UBL3: variants seen among roughly 807,000 people sequenced by gnomAD.
UBL3 encodes the protein ubiquitin-like protein 3.
A neutral mutation model predicts 18.4 loss-of-function variants in UBL3; 6 were observed. That is an observed-to-expected ratio of 0.33 (90% confidence interval 0.18 to 0.64). The LOEUF (loss-of-function observed/expected upper bound fraction) is 0.64. Ranked by LOEUF, UBL3 falls within the 30% of genes least tolerant of loss-of-function variation. The pLI is 0.76. For missense variants in UBL3, 109 were observed against 142.9 expected, an observed-to-expected ratio of 0.76 and a Z score of 1.21; for synonymous variants, 49 against 46.6, an observed-to-expected ratio of 1.05 and a Z score of -0.21.
chr13:29,833,314 G>A (rs1196402468), intron 1 of UBL3, among the ~76,000 whole-genome samples: 1 of 152,162 alleles, frequency 6.6e-6, no homozygotes, highest in African/African-American at 2.4e-5. Context: ...GATAAAAGAG[G>A]AAATTGATTT....
rs985779981 is a variant in UBL3 at position 29,766,977 on chromosome 13, T to C, written c.*278A>G. 5.6e-5 allele frequency: 16 copies of C among 283,654 alleles called. No individual in the cohort carries two copies. Among genetic ancestry groups the C allele is most frequent in the Non-Finnish European group, 9.1e-5 (14 of 153,886 alleles). The allele number at this position is 283,654 out of a possible 1,614,324, so 17.6% of individuals were successfully genotyped here. On this transcript the variant is annotated 3_prime_UTR_variant, in exon 5 of 5. Coordinates refer to ENST00000380680, the MANE Select transcript of UBL3 (RefSeq NM_007106.4). The stretch of plus-strand genomic sequence containing the variant: ...GCAAAATGGTTTCTGCTACGAAAGA[T>C]AACTTGTTAACTTTTCCCCTGGAGA...
At chr13:29,836,359 C>CAAAT (rs533801530) in intron 1 of UBL3, among the ~76,000 whole-genome samples, 8,137 of 151,252 alleles carry the variant, frequency 0.054, 305 homozygotes, top group Non-Finnish European at 0.07. Flanking sequence ...AATAAATAAA[C>CAAAT]AAATAAATAA....
At chr13:29,838,292 G>C (rs1879011477) in intron 1 of UBL3, among the ~76,000 whole-genome samples, 1 of 152,178 alleles carries the variant, frequency 6.6e-6, no homozygotes, top group African/African-American at 2.4e-5. Context: ...TTCATTACCA[G>C]AAGACCTGCA....
In UBL3 at chr13:29,784,839, G is replaced by GCACA. The variant is rs58557958; in HGVS notation, c.28-7580_28-7577dup. 2.9e-3 allele frequency among the ~76,000 whole-genome samples: 433 copies of GCACA among 150,516 alleles called. 1 individual carries two copies. The highest frequency in any genetic ancestry group is 7.8e-3 in the African/African-American group (319 of 41,160). On this transcript the variant is annotated intron_variant, in intron 1 of 4. Transcript: ENST00000380680. ...CATAGAACTAAACACATACACACAT[G>GCACA]CACACACACACACACAAATAAATGC...
chr13:29,839,731 C>T (rs897408247), intron 1 of UBL3, among the ~76,000 whole-genome samples: 14 of 151,980 alleles, frequency 9.2e-5, no homozygotes, highest in Non-Finnish European at 1.8e-4. Flanking sequence ...ATTGAGACCA[C>T]CCTGGCTAAC....
intron 1 of UBL3, among the ~76,000 whole-genome samples, chr13:29,818,909 A>G (rs1191077665): frequency 2.0e-5 from 3 of 152,202 alleles, no homozygotes; most frequent in Non-Finnish European, 4.4e-5. Context: ...TACATGCTTT[A>G]TATCTGTGTG....
At chr13:29,835,122 AT>A (rs1179359442) in intron 1 of UBL3, among the ~76,000 whole-genome samples, 10,462 of 36,670 alleles carry the variant, frequency 0.29, 2,038 homozygotes, top group South Asian at 0.45. Flanking sequence ...ATATATATAT[AT>A]AAATATATAT....
intron 1 of UBL3, among the ~76,000 whole-genome samples, chr13:29,801,663 G>T (rs1042749165): frequency 2.0e-5 from 3 of 152,168 alleles, no homozygotes; most frequent in African/African-American, 7.2e-5. Context: ...CCCTCGGACC[G>T]GGGAAGGAGT....
In UBL3 at chr13:29,833,369, T is replaced by C. The variant is rs550609871; in HGVS notation, c.27+16143A>G. Among the ~76,000 whole-genome samples the C allele has an allele frequency of 4.6e-5, 7 of 152,320 alleles. No homozygotes were observed. In the South Asian group the frequency reaches 1.4e-3, roughly 32 times the overall value. On this transcript the variant is annotated intron_variant, in intron 1 of 4. Transcript: ENST00000380680. ...TGATTGGCTTTATTGATGGGATCTA[T>C]CTAGGACACTGGCACCCAAAAATGT...
At chr13:29,837,269 C>T (rs1333009797) in intron 1 of UBL3, among the ~76,000 whole-genome samples, 7 of 151,820 alleles carry the variant, frequency 4.6e-5, no homozygotes, top group South Asian at 2.1e-4. Flanking sequence ...CTAGGTATGA[C>T]GGTCATCAGA....
intron 1 of UBL3, among the ~76,000 whole-genome samples, chr13:29,845,798 G>A (rs112874418): frequency 4.6e-5 from 7 of 152,108 alleles, no homozygotes; most frequent in Non-Finnish European, 1.0e-4. Flanking sequence ...TTAAAGATAC[G>A]GGGCTTTTCT....
At chr13:29,779,106 CAAG>C (rs1877076890) in intron 1 of UBL3, 5 of 370,660 alleles carry the variant, frequency 1.3e-5, no homozygotes, top group Admixed American at 4.7e-5. Context: ...TGAATAAGTT[CAAG>C]AAGTAGTCTG....
chr13:29,849,291 T>TAGA (rs1371526187), intron 1 of UBL3, among the ~76,000 whole-genome samples: 4 of 152,180 alleles, frequency 2.6e-5, no homozygotes, highest in Non-Finnish European at 5.9e-5. Context: ...ACTTCTCCAC[T>TAGA]ATCTTCAATG....
At chr13:29,774,142 G>A (rs1466009355) in intron 2 of UBL3, among the ~76,000 whole-genome samples, 1 of 151,918 alleles carries the variant, frequency 6.6e-6, no homozygotes, top group African/African-American at 2.4e-5. Context: ...TTGAAAATAA[G>A]GGAACATCCA....
At chr13:29,835,157 T>TAA (rs1878923431) in intron 1 of UBL3, among the ~76,000 whole-genome samples, 8 of 54,302 alleles carry the variant, frequency 1.5e-4, no homozygotes, top group African/African-American at 8.8e-4. Context: ...TATATATATA[T>TAA]ATATATATAT....
chr13:29,841,484 A>G (rs1442318893), intron 1 of UBL3, among the ~76,000 whole-genome samples: 1 of 152,192 alleles, frequency 6.6e-6, no homozygotes, highest in Admixed American at 6.5e-5. Flanking sequence ...ACTCCCTTTA[A>G]TTTTACCAAT....
chr13:29,800,913 C>G (rs879739994), intron 1 of UBL3, among the ~76,000 whole-genome samples: 8 of 152,168 alleles, frequency 5.3e-5, no homozygotes, highest in Non-Finnish European at 7.4e-5. Context: ...ACAGGGACCC[C>G]CCCACGGTGC....
chr13:29,820,467 T>G (rs1878404710), intron 1 of UBL3, among the ~76,000 whole-genome samples: 1 of 152,168 alleles, frequency 6.6e-6, no homozygotes, highest in Admixed American at 6.5e-5. Context: ...TGAGCCACCA[T>G]GCCTGGCCTG....
chr13:29,806,802 T>C (rs1438959864), intron 1 of UBL3, among the ~76,000 whole-genome samples: 1 of 152,238 alleles, frequency 6.6e-6, no homozygotes, highest in African/African-American at 2.4e-5. Context: ...GACCCAGTGA[T>C]ACACGTGCAA....
Sources: gnomAD v4.1 joint callset for allele counts (sites outside exome capture counted in the v4.1 genomes callset) on GRCh38, gnomAD v4.1.1 for gene constraint, MANE v1.5 for transcripts, NCBI Gene and HGNC (gene_info 2026-07-23, HGNC 2026-07-21) for gene names.